Variants in HERC2 observed in about 807,000 individuals in gnomAD.
HERC2 encodes HECT and RLD domain containing E3 ubiquitin protein ligase 2, also known as E3 ubiquitin-protein ligase HERC2.
In HERC2, 102 loss-of-function variants were observed where a neutral mutation model predicts 537.7. That is an observed-to-expected ratio of 0.19 (90% CI 0.16 to 0.22). The LOEUF (loss-of-function observed/expected upper bound fraction) is 0.22, where lower values mean the gene tolerates loss of function less well. Among genes scored for constraint, HERC2 ranks in the 10% least tolerant of loss-of-function variants. The probability of loss-of-function intolerance (pLI) is 1.00; values close to 1 mark genes in which losing one functional copy is unlikely to be tolerated. For missense variants in HERC2, 4,236 were observed against 6,198.2 expected (o/e 0.68, Z 10.63); for synonymous variants, 2,224 against 2,466.2 (o/e 0.90, Z 2.91).
intron 8 of HERC2, 59 bp from the exon 9 acceptor site, chr15:28,272,445 T>C: frequency 6.8e-7 from 1 of 1,476,518 alleles, no homozygotes; most frequent in Non-Finnish European, 9.3e-7. Flanking sequence ...TCTTCACAGT[T>C]GATCAAAAAT....
intron 57 of HERC2, 58 bp downstream of exon 57, chr15:28,182,343 C>G: frequency 9.7e-7 from 1 of 1,033,658 alleles, no homozygotes; most frequent in Non-Finnish European, 1.5e-6. Flanking sequence ...AGAAACTTCA[C>G]GAGGTGTGGC....
In HERC2 at chr15:28,310,843, C is replaced by T. The variant is rs182264302; in HGVS notation, c.72+10519G>A. Among the ~76,000 whole-genome samples, 582 of 152,008 alleles carry T rather than the reference C, an allele frequency of 3.8e-3. 3 individuals are homozygous for T. The highest frequency in any genetic ancestry group is 0.013 in the African/African-American group (550 of 41,466). ...CTGTAATCCCAGCACTTTGGGAGGC[C>T]GAAGCGGGTGGATCATGAAGTCAGG... is the stretch of plus-strand genomic sequence containing the variant. On this transcript the variant is annotated intron_variant, in intron 2 of 92. Coordinates refer to ENST00000261609, the MANE Select transcript of HERC2 (RefSeq NM_004667.6).
In HERC2 at chr15:28,177,181, G is replaced by A; in HGVS notation, c.9255-54C>T. On this transcript the variant is annotated intron_variant, in intron 60 of 92. Coordinates refer to ENST00000261609, the MANE Select transcript of HERC2 (RefSeq NM_004667.6). The surrounding 1 kb of genome is among the most constrained non-coding windows in gnomAD (Gnocchi z 5.0). ...AGTCAATCTGTCCCTTCTTAGAGAT[G>A]AAGGAAAAAAGACATCTATACTGAT... is the stretch of plus-strand genomic sequence containing the variant. 33 of 1,540,470 alleles carry A rather than the reference G, an allele frequency of 2.1e-5. No homozygotes were observed. The Admixed American group carries it at 3.1e-4, about 15-fold the overall frequency.
At chr15:28,153,776 T>C (rs2142354562) in intron 69 of HERC2, among the ~76,000 whole-genome samples, 1 of 152,320 alleles carries the variant, frequency 6.6e-6, no homozygotes, top group Admixed American at 6.5e-5. Flanking sequence ...ACAAGATTAC[T>C]TCCTAGTGAG....
chr15:28,319,859 G>C (rs1271455462), intron 2 of HERC2, among the ~76,000 whole-genome samples: 1 of 152,142 alleles, frequency 6.6e-6, no homozygotes, highest in Admixed American at 6.6e-5. Context: ...ACTCCAAAAA[G>C]TTTCTCAAAA....
rs368380320 is a variant in HERC2, at chr15:28,113,546, G to A, written c.14019+27C>T. On this transcript the variant is annotated intron_variant, in intron 91 of 92. Coordinates refer to ENST00000261609, the MANE Select transcript of HERC2 (RefSeq NM_004667.6). This position sits in a 1 kb window ranked among gnomAD's most constrained non-coding sequence, Gnocchi z 7.0. ...GTCAGCAGGCAAAAGGCAGCTGCAG[G>A]GCAGCCCCACCTGGGGGTCGGCATA... 3 of 1,592,060 alleles carry A rather than the reference G, an allele frequency of 1.9e-6. No homozygotes were observed. The highest frequency in any genetic ancestry group is 1.7e-5 in the Admixed American group (1 of 59,950).
chr15:28,228,344 T>C lies in HERC2; in HGVS notation c.5338A>G (p.Ile1780Val), dbSNP rs1901459592. ...ENPSGPSLGTIPQARFLLVML... is the reference protein window; with the variant it reads ...ENPSGPSLGTVPQARFLLVML... ...ACCAGGAGGAAGCGGGCTTGCGGGA[T>C]GGTCCCCAGGCTCGGTCCTGACGGG... The change falls in exon 35 of 93, where the codon ATC (isoleucine) becomes GTC (valine). Residue 1780 changes from isoleucine (I) to valine (V), a missense_variant. By Grantham distance (29) the Ile-to-Val change is conservative. Transcript: ENST00000261609. The C allele has an allele frequency of 1.9e-6, 3 of 1,612,088 alleles. No individual in the cohort carries two copies. The highest frequency in any genetic ancestry group is 2.7e-5 in the African/African-American group (2 of 74,876).
At chr15:28,186,484 T>G in intron 56 of HERC2, 93 bp downstream of exon 56, 15 of 987,914 alleles carry the variant, frequency 1.5e-5, no homozygotes, top group Non-Finnish European at 2.2e-5. Context: ...ACTCTCAGTA[T>G]GAGACACATT....
At position 28,294,934 on chromosome 15, in the gene HERC2, T is replaced by G. The variant is rs558893443; in HGVS notation, c.188-1912A>C. On this transcript the variant is annotated intron_variant, in intron 3 of 92. Coordinates refer to ENST00000261609, the MANE Select transcript of HERC2 (RefSeq NM_004667.6). ...ATCAACCTCTCCTTGGTTATTTTACTGGTTCCATGATACAGCTTTTTCTGT... is the reference window on the plus strand; with the variant it reads ...ATCAACCTCTCCTTGGTTATTTTACGGGTTCCATGATACAGCTTTTTCTGT... 8.9e-4 allele frequency among the ~76,000 whole-genome samples: 135 copies of G among 152,142 alleles called. No homozygotes were observed. In the East Asian group the frequency reaches 0.02, roughly 22 times the overall value.
intron 52 of HERC2, among the ~76,000 whole-genome samples, chr15:28,193,314 C>T (rs921373578): frequency 1.3e-4 from 19 of 151,996 alleles, no homozygotes; most frequent in South Asian, 4.1e-4. Flanking sequence ...GAAAATAAAA[C>T]AGAAAGACTA....
intron 44 of HERC2, among the ~76,000 whole-genome samples, chr15:28,207,330 T>G (rs984263673): frequency 9.2e-5 from 14 of 152,102 alleles, no homozygotes; most frequent in African/African-American, 3.1e-4. Context: ...AGATGGGGGT[T>G]TCACCATGTT....
chr15:28,284,464 C>A (rs1212022409), intron 4 of HERC2, among the ~76,000 whole-genome samples: 1 of 151,530 alleles, frequency 6.6e-6, no homozygotes, highest in Non-Finnish European at 1.5e-5. Flanking sequence ...GGAGAGCAGA[C>A]TAGAGAACAT....
At chr15:28,126,999 G>C (rs566747163) in intron 83 of HERC2, among the ~76,000 whole-genome samples, 1 of 152,274 alleles carries the variant, frequency 6.6e-6, no homozygotes, top group South Asian at 2.1e-4. Context: ...AAATACCACC[G>C]GAAAATATTC....
intron 70 of HERC2, among the ~76,000 whole-genome samples, chr15:28,149,955 A>C (rs1371456988): frequency 6.6e-6 from 1 of 151,762 alleles, no homozygotes; most frequent in Non-Finnish European, 1.5e-5. Flanking sequence ...TTACCAAAAA[A>C]CACACACGGC....
intron 5 of HERC2, among the ~76,000 whole-genome samples, chr15:28,276,754 AAAAAC>A (rs1282921315): frequency 6.7e-6 from 1 of 150,366 alleles, no homozygotes; most frequent in African/African-American, 2.5e-5. Context: ...AAACAAAAAC[AAAAAC>A]AAAAAAAAAC....
intron 2 of HERC2, among the ~76,000 whole-genome samples, chr15:28,309,273 TC>T (rs1310659196): frequency 3.7e-4 from 56 of 152,344 alleles, no homozygotes; most frequent in African/African-American, 1.2e-3. Context: ...GAAGCCTCCA[TC>T]TATTAATGTG....
intron 55 of HERC2, among the ~76,000 whole-genome samples, chr15:28,187,245 A>G (rs1056880282): frequency 6.6e-6 from 1 of 152,188 alleles, no homozygotes; most frequent in Non-Finnish European, 1.5e-5. Context: ...TTGTTCAGAT[A>G]TGGATTATCA....
At chr15:28,288,468 A>C (rs2076220589) in intron 4 of HERC2, among the ~76,000 whole-genome samples, 1 of 129,614 alleles carries the variant, frequency 7.7e-6, no homozygotes, top group Non-Finnish European at 1.6e-5. Context: ...CAGAGGCTGC[A>C]GTGAGCCAAG....
At chr15:28,298,930 C>A (rs1040257209) in intron 3 of HERC2, among the ~76,000 whole-genome samples, 1 of 152,012 alleles carries the variant, frequency 6.6e-6, no homozygotes, top group Non-Finnish European at 1.5e-5. Context: ...GGGGGACCAA[C>A]GAACTTCAAC....
Sources: gnomAD v4.1 joint callset for allele counts (sites outside exome capture counted in the v4.1 genomes callset) on GRCh38, gnomAD v4.1.1 for gene constraint, Gnocchi (gnomAD v3.1) non-coding constraint, MANE v1.5 for transcripts, NCBI Gene and HGNC (gene_info 2026-07-23, HGNC 2026-07-21) for gene names.